Variants in XYLT1 observed in about 807,000 individuals in gnomAD.
XYLT1 encodes the protein beta-D-xylosyltransferase 1.
Under a neutral mutation model 91.3 loss-of-function variants are expected in XYLT1, and 36 were observed. The ratio of observed to expected loss-of-function variants is 0.39; its 90% CI spans 0.30 to 0.52. XYLT1 has a LOEUF of 0.52. XYLT1 is among the 20% of genes least tolerant of loss of function. The probability of loss-of-function intolerance (pLI) is 0.68; values close to 1 mark genes in which losing one functional copy is unlikely to be tolerated. For missense variants in XYLT1, 1,242 were observed against 1,284.5 expected (o/e 0.97, Z 0.51); for synonymous variants, 588 against 532.0 (o/e 1.11, Z -1.45).
At chr16:17,402,851 T>G (rs934765925) in intron 1 of XYLT1, among the ~76,000 whole-genome samples, 6 of 151,894 alleles carry the variant, frequency 4.0e-5, no homozygotes, top group Non-Finnish European at 5.9e-5. Flanking sequence ...CAAGCAATCC[T>G]GCTTCAGCTT....
intron 6 of XYLT1, among the ~76,000 whole-genome samples, chr16:17,143,830 C>T: frequency 1.2e-5 from 1 of 81,480 alleles, no homozygotes; most frequent in South Asian, 3.2e-4. Context: ...CTGTCATCAC[C>T]ACCATCGTCA....
intron 2 of XYLT1, among the ~76,000 whole-genome samples, chr16:17,335,694 CA>C (rs34629667): frequency 0.023 from 2,843 of 125,376 alleles, 75 homozygotes; most frequent in African/African-American, 0.07. Flanking sequence ...AACTCCATCT[CA>C]AAAAAAAAAA....
chr16:17,253,823 T>TGAGAGA lies in XYLT1; in HGVS notation c.913+5159_913+5164dup, dbSNP rs3060128. On this transcript the variant is annotated intron_variant, in intron 3 of 11. Coordinates refer to ENST00000261381, the MANE Select transcript of XYLT1 (RefSeq NM_022166.4). Reference sequence around the variant, plus strand: ...CCCTGCCTTCTTCTCCCTTGCAACTTGAGAGAGAGAGAGAGAGAGAGAGAG... The same window carrying TGAGAGA: ...CCCTGCCTTCTTCTCCCTTGCAACTTGAGAGAGAGAGAGAGAGAGAGAGAGAGAGAG... Among the ~76,000 whole-genome samples the TGAGAGA allele has an allele frequency of 3.4e-3, 395 of 114,874 alleles. 3 individuals are homozygous for TGAGAGA. The highest frequency in any genetic ancestry group is 8.4e-3 in the East Asian group (34 of 4,066). The allele number at this position is 114,874 out of a possible 152,430, so 75.4% of individuals were successfully genotyped here.
At chr16:17,351,660 G>A (rs2035221438) in intron 2 of XYLT1, among the ~76,000 whole-genome samples, 1 of 151,150 alleles carries the variant, frequency 6.6e-6, no homozygotes, top group African/African-American at 2.5e-5. Flanking sequence ...GGCTGGAAGT[G>A]TCTTTGTAAA....
intron 5 of XYLT1, among the ~76,000 whole-genome samples, chr16:17,161,425 G>A (rs962851624): frequency 3.3e-5 from 5 of 152,172 alleles, no homozygotes; most frequent in African/African-American, 4.8e-5. Context: ...TGGGGCGGGG[G>A]GACCCCTGCC....
chr16:17,111,159 C>CA (rs993881012), intron 11 of XYLT1, among the ~76,000 whole-genome samples: 6 of 151,378 alleles, frequency 4.0e-5, no homozygotes, highest in Middle Eastern at 6.8e-3. Flanking sequence ...GACTTCATCT[C>CA]AAAAAAAAAT....
chr16:17,335,225 A>G (rs1260733536), intron 2 of XYLT1, among the ~76,000 whole-genome samples: 2 of 150,770 alleles, frequency 1.3e-5, no homozygotes, highest in African/African-American at 2.5e-5. Context: ...TCTCAAAAAA[A>G]CAAAAAAACA....
chr16:17,379,759 T>TCACACA (rs1489816883), intron 1 of XYLT1, among the ~76,000 whole-genome samples: 3 of 117,928 alleles, frequency 2.5e-5, no homozygotes, highest in Admixed American at 8.3e-5. Flanking sequence ...TCTCTCTCTC[T>TCACACA]CTCTCACACA....
intron 2 of XYLT1, among the ~76,000 whole-genome samples, chr16:17,336,379 T>A (rs2034979406): frequency 6.6e-6 from 1 of 152,206 alleles, no homozygotes; most frequent in African/African-American, 2.4e-5. Flanking sequence ...AATATCCCAT[T>A]TCCTCCATGA....
At chr16:17,232,177 A>T (rs932692565) in intron 3 of XYLT1, among the ~76,000 whole-genome samples, 6 of 144,194 alleles carry the variant, frequency 4.2e-5, no homozygotes, top group African/African-American at 1.3e-4. Context: ...TATATTATAC[A>T]ATATATACTA....
chr16:17,457,066 T>A (rs762991973), intron 1 of XYLT1, among the ~76,000 whole-genome samples: 7 of 151,988 alleles, frequency 4.6e-5, no homozygotes, highest in Admixed American at 1.3e-4. Flanking sequence ...GGCAGCCACA[T>A]CCCCCCTCAC....
chr16:17,448,228 C>T (rs949697207), intron 1 of XYLT1, among the ~76,000 whole-genome samples: 6 of 152,042 alleles, frequency 3.9e-5, no homozygotes, highest in Non-Finnish European at 5.9e-5. Flanking sequence ...ATTAGCCAGG[C>T]GTGATGGCAC....
At chr16:17,127,179 T>C (rs2030291404) in intron 10 of XYLT1, among the ~76,000 whole-genome samples, 1 of 152,208 alleles carries the variant, frequency 6.6e-6, no homozygotes, top group Non-Finnish European at 1.5e-5. Flanking sequence ...CATCTAATCA[T>C]ATATTCAGTG....
chr16:17,468,201 C>T (rs1366584758), intron 1 of XYLT1, among the ~76,000 whole-genome samples: 1 of 152,082 alleles, frequency 6.6e-6, no homozygotes, highest in African/African-American at 2.4e-5. Context: ...AGACCCCGGG[C>T]TCCAGCCAGC....
At chr16:17,331,668 C>G (rs1246732892) in intron 2 of XYLT1, among the ~76,000 whole-genome samples, 2 of 152,108 alleles carry the variant, frequency 1.3e-5, no homozygotes, top group South Asian at 4.1e-4. Flanking sequence ...TGTTAACGAG[C>G]CCATTTTATT....
intron 2 of XYLT1, among the ~76,000 whole-genome samples, chr16:17,286,954 A>G (rs1455756118): frequency 6.6e-6 from 1 of 152,152 alleles, no homozygotes; most frequent in Non-Finnish European, 1.5e-5. Context: ...ACCAAACACC[A>G]CCCAGCCAAG....
intron 2 of XYLT1, among the ~76,000 whole-genome samples, chr16:17,289,839 C>G (rs2034196022): frequency 2.0e-5 from 3 of 152,188 alleles, no homozygotes; most frequent in African/African-American, 7.2e-5. Context: ...AGTCTAAGAG[C>G]TGTTTCATGA....
At chr16:17,357,082 C>G (rs531668144) in intron 2 of XYLT1, among the ~76,000 whole-genome samples, 3 of 139,260 alleles carry the variant, frequency 2.2e-5, no homozygotes, top group East Asian at 4.3e-4. Context: ...GAGGCTGAGA[C>G]AGAAGAATGG....
chr16:17,374,409 C>A (rs1363185477), intron 1 of XYLT1, among the ~76,000 whole-genome samples: 1 of 150,462 alleles, frequency 6.6e-6, no homozygotes, highest in South Asian at 2.1e-4. Flanking sequence ...TCAGGATCAG[C>A]CTTCACTCCT....
Sources: allele counts gnomAD v4.1 joint callset (sites outside exome capture counted in the v4.1 genomes callset), GRCh38; gene constraint gnomAD v4.1.1; transcripts MANE v1.5; gene names NCBI Gene and HGNC (gene_info 2026-07-23, HGNC 2026-07-21).